Variants in RASGRF2 observed in about 807,000 individuals in gnomAD.
RASGRF2 encodes ras-specific guanine nucleotide-releasing factor 2.
A neutral mutation model predicts 151.0 loss-of-function variants in RASGRF2; 76 were observed. The ratio of observed to expected loss-of-function variants is 0.50; its 90% CI spans 0.42 to 0.61. The LOEUF is 0.61. RASGRF2 is among the 20% of genes least tolerant of loss of function. The pLI, the probability that RASGRF2 is intolerant of heterozygous loss-of-function variation, is 0.00. For synonymous variants in RASGRF2, 504 were observed against 566.5 expected, an observed-to-expected ratio of 0.89 and a Z score of 1.57; for missense variants, 1,148 against 1,564.6, an observed-to-expected ratio of 0.73 and a Z score of 4.49.
At chr5:81,058,025 T>A (rs938495399) in intron 2 of RASGRF2, among the ~76,000 whole-genome samples, 29 of 152,148 alleles carry the variant, frequency 1.9e-4, no homozygotes, top group African/African-American at 6.7e-4. Flanking sequence ...ATTAATTAAT[T>A]AATAACCCTG....
chr5:81,229,618 G>C lies in RASGRF2; in HGVS notation c.*3848G>C, dbSNP rs1373615396. 4 of 152,210 alleles carry C rather than the reference G, an allele frequency of 2.6e-5. No homozygotes were observed. Among genetic ancestry groups the C allele is most frequent in the Non-Finnish European group, 5.9e-5 (4 of 68,026 alleles). The allele number at this position is 152,210 out of a possible 1,614,324, so 9.4% of individuals were successfully genotyped here. ...AGGATTGATAGCACTAGTCTGATCT[G>C]CTCAAGGAAAATAATAGTTCTATTA... On this transcript the variant is annotated 3_prime_UTR_variant, in exon 27 of 27. Transcript: ENST00000265080.
rs1473226246 is a variant in RASGRF2 at position 81,109,173 on chromosome 5, GCTT to G, written c.1838+99_1838+101del. 4.1e-6 allele frequency: 6 copies of G among 1,460,800 alleles called. No homozygotes were observed. The African/African-American group carries it at 5.6e-5, about 14-fold the overall frequency. 90.5% of individuals were successfully genotyped at this position (1,460,800 alleles called of 1,614,324 possible). The stretch of plus-strand genomic sequence containing the variant: ...TAAAATACTGTGTCAATAGAATTCT[GCTT>G]CTTGTTGAGAATATGTTTCTTGACA... On this transcript the variant is annotated intron_variant, in intron 13 of 26. Coordinates refer to ENST00000265080, the MANE Select transcript of RASGRF2 (RefSeq NM_006909.3).
rs80293070 is a variant in RASGRF2 at position 80,992,337 on chromosome 5, C to T, written c.288+31311C>T. Among the ~76,000 whole-genome samples the T allele has an allele frequency of 1.1e-3, 170 of 152,232 alleles. 6 individuals carry two copies. The East Asian group carries it at 0.029, about 26-fold the overall frequency. ...TGCAGGAGAAAATTGTCTCCCCAAT[C>T]CCACTCAGGGGCATCAGTGGCCTTC... On this transcript the variant is annotated intron_variant, in intron 1 of 26. Transcript: ENST00000265080.
chr5:81,186,315 A>G (rs935150344), intron 18 of RASGRF2, among the ~76,000 whole-genome samples: 5 of 152,112 alleles, frequency 3.3e-5, no homozygotes, highest in Non-Finnish European at 5.9e-5. Context: ...CATTTCCAGC[A>G]CCTGAGAGGG....
At chr5:80,997,332 A>G (rs1748915801) in intron 1 of RASGRF2, 1 of 152,222 alleles carries the variant, frequency 6.6e-6, no homozygotes, top group Admixed American at 6.5e-5. Flanking sequence ...GTGCTCAAAG[A>G]TACTACTAAC....
intron 18 of RASGRF2, among the ~76,000 whole-genome samples, chr5:81,181,715 C>G (rs1580385923): frequency 6.6e-6 from 1 of 152,126 alleles, no homozygotes; most frequent in Non-Finnish European, 1.5e-5. Context: ...TGCAAAGTAG[C>G]TTTGCATCTT....
chr5:81,225,996 C>T lies in RASGRF2; in HGVS notation c.*226C>T, dbSNP rs142992530. On this transcript the variant is annotated 3_prime_UTR_variant, in exon 27 of 27. Transcript: ENST00000265080. ...AGGTGAAAGATGGCTATTTAGAAAG[C>T]TGGTGGCACGTTTTACATAAGGGAA... 3 of 424,498 alleles carry T rather than the reference C, an allele frequency of 7.1e-6. No homozygotes were observed. Among genetic ancestry groups the T allele is most frequent in the African/African-American group, 6.2e-5 (3 of 48,398 alleles). The allele number at this position is 424,498 out of a possible 1,614,324, so 26.3% of individuals were successfully genotyped here.
chr5:81,033,631 T>A (rs1750352630), intron 1 of RASGRF2, among the ~76,000 whole-genome samples: 2 of 150,968 alleles, frequency 1.3e-5, no homozygotes, highest in South Asian at 4.2e-4. Context: ...TCCTTACACC[T>A]TATACAAAAA....
At position 80,982,580 on chromosome 5, in the gene RASGRF2, C is replaced by CTATTATTATTATTATTATTATTAT. The variant is rs10634471; in HGVS notation, c.288+21568_288+21591dup. 2.0e-3 allele frequency among the ~76,000 whole-genome samples: 269 copies of CTATTATTATTATTATTATTATTAT among 135,166 alleles called. 5 individuals carry two copies. Among genetic ancestry groups the CTATTATTATTATTATTATTATTAT allele is most frequent in the East Asian group, 0.01 (46 of 4,478 alleles). The allele number at this position is 135,166 out of a possible 152,430, so 88.7% of individuals were successfully genotyped here. A position where few individuals can be genotyped will look rare whatever the true frequency, so the allele number is the denominator to read the frequency against. On this transcript the variant is annotated intron_variant, in intron 1 of 26. Transcript: ENST00000265080. Reference sequence around the variant, plus strand: ...CTGGAAGTGGGATAGAAATTTGGTTCTATTATTATTATTATTATTATTATT... The same window carrying CTATTATTATTATTATTATTATTAT: ...CTGGAAGTGGGATAGAAATTTGGTTCTATTATTATTATTATTATTATTATTATTATTATTATTATTATTATTATT...
intron 1 of RASGRF2, among the ~76,000 whole-genome samples, chr5:80,995,173 G>A (rs866272947): frequency 1.1e-4 from 16 of 149,338 alleles, no homozygotes; most frequent in East Asian, 3.9e-4. Context: ...GGAGAATGGC[G>A]TAAACCTGGG....
At chr5:81,198,376 C>T (rs1755314412) in intron 18 of RASGRF2, among the ~76,000 whole-genome samples, 1 of 152,080 alleles carries the variant, frequency 6.6e-6, no homozygotes, top group Admixed American at 6.5e-5. Context: ...ATTTGGTTTT[C>T]TGTTTCTGCA....
At chr5:81,047,474 T>C (rs1374599343) in intron 2 of RASGRF2, among the ~76,000 whole-genome samples, 1 of 152,260 alleles carries the variant, frequency 6.6e-6, no homozygotes, top group East Asian at 1.9e-4. Flanking sequence ...CACTATCTTT[T>C]GCCTGCTTTC....
intron 17 of RASGRF2, among the ~76,000 whole-genome samples, chr5:81,170,958 C>T (rs1754644245): frequency 6.6e-6 from 1 of 152,148 alleles, no homozygotes; most frequent in Non-Finnish European, 1.5e-5. Flanking sequence ...CGCCCTTCCT[C>T]CCACCCTTCC....
chr5:81,000,553 T>C (rs1749046846), intron 1 of RASGRF2, among the ~76,000 whole-genome samples: 1 of 152,194 alleles, frequency 6.6e-6, no homozygotes, highest in African/African-American at 2.4e-5. Flanking sequence ...TTTGAACTTA[T>C]TTAAAAACAA....
chr5:81,071,568 G>A (rs1188300436), intron 4 of RASGRF2, among the ~76,000 whole-genome samples: 1 of 151,974 alleles, frequency 6.6e-6, no homozygotes, highest in East Asian at 1.9e-4. Flanking sequence ...ATTTGAAATA[G>A]AAATGATTCT....
chr5:81,050,221 C>T (rs763747810), intron 2 of RASGRF2, among the ~76,000 whole-genome samples: 2 of 152,224 alleles, frequency 1.3e-5, no homozygotes, highest in Non-Finnish European at 2.9e-5. Context: ...CCTCGCCTGT[C>T]TCTTCCAGGT....
At chr5:81,184,226 T>C (rs566506121) in intron 18 of RASGRF2, among the ~76,000 whole-genome samples, 72 of 152,314 alleles carry the variant, frequency 4.7e-4, no homozygotes, top group African/African-American at 1.5e-3. Context: ...GTGTTTTCAT[T>C]AGAGGTCTAC....
chr5:81,045,715 C>G (rs535954956), intron 2 of RASGRF2, among the ~76,000 whole-genome samples: 9 of 152,262 alleles, frequency 5.9e-5, no homozygotes, highest in African/African-American at 2.2e-4. Flanking sequence ...CTGCTTTATA[C>G]TGTGTTTTTA....
At chr5:81,092,747 C>A in intron 9 of RASGRF2, 54 bp from the exon 10 acceptor site, 2 of 1,520,890 alleles carry the variant, frequency 1.3e-6, no homozygotes, top group Non-Finnish European at 1.8e-6. Flanking sequence ...TGGACATGGT[C>A]CTCACTTGAC....
Sources: gnomAD v4.1 joint callset for allele counts (sites outside exome capture counted in the v4.1 genomes callset) on GRCh38, gnomAD v4.1.1 for gene constraint, MANE v1.5 for transcripts, NCBI Gene and HGNC (gene_info 2026-07-23, HGNC 2026-07-21) for gene names.